SGCD: variants seen among roughly 807,000 people sequenced by gnomAD.
The protein encoded by SGCD is delta-sarcoglycan.
A neutral mutation model predicts 36.6 loss-of-function variants in SGCD; 18 were observed. The observed-to-expected ratio is 0.49, with a 90% CI of 0.34 to 0.73. The LOEUF (loss-of-function observed/expected upper bound fraction) is 0.73. SGCD is among the 30% of genes least tolerant of loss of function. The pLI, the probability that SGCD is intolerant of heterozygous loss-of-function variation, is 0.01. For missense variants in SGCD, 387 were observed against 346.7 expected, an observed-to-expected ratio of 1.12 and a Z score of -0.92; for synonymous variants, 133 against 130.6, an observed-to-expected ratio of 1.02 and a Z score of -0.12.
At chr5:155,986,366 T>C (rs564661097) in intron 1 of SGCD, among the ~76,000 whole-genome samples, 16 of 152,328 alleles carry the variant, frequency 1.1e-4, no homozygotes, top group African/African-American at 3.1e-4. Flanking sequence ...ACTGCAGTCT[T>C]CCAGCCTATG....
intron 1 of SGCD, among the ~76,000 whole-genome samples, chr5:155,987,669 C>G (rs1209485908): frequency 6.6e-6 from 1 of 152,140 alleles, no homozygotes; most frequent in East Asian, 1.9e-4. Context: ...CTCACAGAAG[C>G]TTTTACTCAT....
At chr5:156,741,524 G>C (rs554967626) in intron 7 of SGCD, among the ~76,000 whole-genome samples, 1 of 149,728 alleles carries the variant, frequency 6.7e-6, no homozygotes, top group East Asian at 1.9e-4. Flanking sequence ...GCCACGAAAG[G>C]AAGGTTTGAT....
At chr5:156,746,462 T>C (rs1341542506) in intron 7 of SGCD, among the ~76,000 whole-genome samples, 2 of 152,216 alleles carry the variant, frequency 1.3e-5, no homozygotes, top group Non-Finnish European at 2.9e-5. Flanking sequence ...TAAATGTTGA[T>C]TGTATAAACA....
chr5:156,463,314 T>C (rs1754572300), intron 3 of SGCD, among the ~76,000 whole-genome samples: 1 of 152,138 alleles, frequency 6.6e-6, no homozygotes, highest in South Asian at 2.1e-4. Flanking sequence ...AGTGCTGGGA[T>C]TACAGACATG....
intron 6 of SGCD, among the ~76,000 whole-genome samples, chr5:156,641,475 T>A (rs1293139846): frequency 1.3e-5 from 2 of 152,232 alleles, no homozygotes; most frequent in African/African-American, 4.8e-5. Context: ...AGTTTATTCA[T>A]AATTTTTCAA....
intron 7 of SGCD, among the ~76,000 whole-genome samples, chr5:156,655,863 T>A (rs187773828): frequency 7.9e-5 from 12 of 152,216 alleles, no homozygotes; most frequent in Admixed American, 5.2e-4. Flanking sequence ...AAATCACTGA[T>A]CTCAGGCTGT....
At chr5:156,744,685 G>A (rs1481794739) in intron 7 of SGCD, among the ~76,000 whole-genome samples, 1 of 152,178 alleles carries the variant, frequency 6.6e-6, no homozygotes, top group Non-Finnish European at 1.5e-5. Context: ...CTCATTCATA[G>A]ATGTTATCTT....
chr5:156,686,557 A>C (rs912315006), intron 7 of SGCD, among the ~76,000 whole-genome samples: 1 of 152,208 alleles, frequency 6.6e-6, no homozygotes, highest in African/African-American at 2.4e-5. Flanking sequence ...AGCTGTCTTC[A>C]TCCTTGAACA....
intron 3 of SGCD, among the ~76,000 whole-genome samples, chr5:156,277,642 C>T (rs1766351113): frequency 6.6e-6 from 1 of 152,146 alleles, no homozygotes; most frequent in Non-Finnish European, 1.5e-5. Flanking sequence ...ATCAAACTCT[C>T]ATTTATTCTT....
At chr5:156,379,061 T>C (rs1326859456) in intron 3 of SGCD, among the ~76,000 whole-genome samples, 1 of 152,152 alleles carries the variant, frequency 6.6e-6, no homozygotes, top group African/African-American at 2.4e-5. Flanking sequence ...CTTTATTCAT[T>C]TATTCTTTTA....
chr5:156,337,330 C>G (rs1477272670), intron 2 of SGCD, among the ~76,000 whole-genome samples: 1 of 152,076 alleles, frequency 6.6e-6, no homozygotes, highest in Non-Finnish European at 1.5e-5. Flanking sequence ...GTAGCATCAC[C>G]AAGAAAAATA....
At chr5:156,580,433 G>C (rs1296153634) in intron 4 of SGCD, among the ~76,000 whole-genome samples, 1 of 152,156 alleles carries the variant, frequency 6.6e-6, no homozygotes, top group South Asian at 2.1e-4. Flanking sequence ...GGTGTTCTCT[G>C]TATTTACTGA....
intron 1 of SGCD, among the ~76,000 whole-genome samples, chr5:155,875,680 C>T (rs1262648255): frequency 1.3e-5 from 2 of 150,920 alleles, no homozygotes; most frequent in African/African-American, 4.9e-5. Context: ...GTATTTTTAC[C>T]CCCTCTTTAT....
At chr5:156,730,630 G>A (rs1756012424) in intron 7 of SGCD, among the ~76,000 whole-genome samples, 1 of 152,044 alleles carries the variant, frequency 6.6e-6, no homozygotes, top group South Asian at 2.1e-4. Flanking sequence ...ATCATTAATG[G>A]GCATTTAGGT....
chr5:156,465,700 C>G lies in SGCD; in HGVS notation c.193-42901C>G, dbSNP rs550146962. Among the ~76,000 whole-genome samples, 5 of 152,340 alleles carry G rather than the reference C, an allele frequency of 3.3e-5. No individual in the cohort carries two copies. The East Asian group carries it at 9.6e-4, about 29-fold the overall frequency. On this transcript the variant is annotated intron_variant, in intron 3 of 8. Coordinates refer to ENST00000337851, the MANE Select transcript of SGCD (RefSeq NM_000337.6). ...CAAAAGTTAACTTTCTCTTGTCCCACACTTCCAGAGGCTTACCTTCAGGCT... is the reference window on the plus strand; with the variant it reads ...CAAAAGTTAACTTTCTCTTGTCCCAGACTTCCAGAGGCTTACCTTCAGGCT...
At chr5:156,565,700 C>T (rs111862138) in intron 4 of SGCD, among the ~76,000 whole-genome samples, 4,841 of 152,114 alleles carry the variant, frequency 0.032, 266 homozygotes, top group African/African-American at 0.11. Context: ...TCCCCTAGCC[C>T]CCCACCCACC....
At chr5:156,718,652 A>C (rs759415506) in intron 7 of SGCD, among the ~76,000 whole-genome samples, 14 of 151,764 alleles carry the variant, frequency 9.2e-5, no homozygotes, top group Non-Finnish European at 1.9e-4. Context: ...ATATAGGGAT[A>C]ATAGTAGTAT....
At chr5:155,765,122 A>T in the SGCD span, among the ~76,000 whole-genome samples, 3 of 151,738 alleles carry the variant, frequency 2.0e-5, no homozygotes, top group African/African-American at 7.3e-5. Context: ...CTACAAAAAA[A>T]TTTAAAGATT....
At chr5:156,607,445 T>C (rs1761524480) in intron 6 of SGCD, among the ~76,000 whole-genome samples, 1 of 152,222 alleles carries the variant, frequency 6.6e-6, no homozygotes, top group Non-Finnish European at 1.5e-5. Context: ...GGAATTGCTT[T>C]GCCAGTATTT....
Sources: allele counts gnomAD v4.1 joint callset (sites outside exome capture counted in the v4.1 genomes callset), GRCh38; gene constraint gnomAD v4.1.1; transcripts MANE v1.5; gene names NCBI Gene and HGNC (gene_info 2026-07-23, HGNC 2026-07-21).